MRTFA: variants seen among roughly 807,000 people sequenced by gnomAD.
MRTFA encodes myocardin related transcription factor A, also known as myocardin-related transcription factor A.
Under a neutral mutation model 83.5 loss-of-function variants are expected in MRTFA, and 20 were observed. That is an observed-to-expected ratio of 0.24 (90% confidence interval 0.17 to 0.35). The LOEUF is 0.35. Ranked by LOEUF, MRTFA falls within the 10% of genes least tolerant of loss-of-function variation. The pLI, the probability that MRTFA is intolerant of heterozygous loss-of-function variation, is 1.00. For synonymous variants in MRTFA, 659 were observed against 541.2 expected, an observed-to-expected ratio of 1.22 and a Z score of -3.02; for missense variants, 1,200 against 1,224.7, an observed-to-expected ratio of 0.98 and a Z score of 0.30.
chr22:40,573,273 G>C (rs1421349213), intron 2 of MRTFA, among the ~76,000 whole-genome samples: 1 of 152,016 alleles, frequency 6.6e-6, no homozygotes, highest in African/African-American at 2.4e-5. Flanking sequence ...TTTGCTTTTT[G>C]AGACTGAATC....
intron 3 of MRTFA, among the ~76,000 whole-genome samples, chr22:40,544,427 A>G (rs1208250068): frequency 1.3e-5 from 2 of 152,040 alleles, no homozygotes; most frequent in African/African-American, 4.8e-5. Context: ...GGGTCTTGCT[A>G]TGTTGCCTAG....
intron 2 of MRTFA, among the ~76,000 whole-genome samples, chr22:40,556,429 C>T (rs893742069): frequency 6.6e-6 from 1 of 151,864 alleles, no homozygotes; most frequent in Non-Finnish European, 1.5e-5. Flanking sequence ...ATCCAGATAA[C>T]AGTAATTAAC....
chr22:40,454,899 C>T (rs1261710618), intron 4 of MRTFA, among the ~76,000 whole-genome samples: 1 of 152,204 alleles, frequency 6.6e-6, no homozygotes, highest in Non-Finnish European at 1.5e-5. Context: ...GTTTAAGGCT[C>T]AAGCCATCCT....
chr22:40,501,129 G>C (rs1159363133), intron 3 of MRTFA, among the ~76,000 whole-genome samples: 1 of 9,948 alleles, frequency 1.0e-4, no homozygotes, highest in African/African-American at 5.5e-4. Context: ...TCCCGGACGG[G>C]GAGGCCGGCC....
Position 40,411,096 on chromosome 22 carries a change from G to T in MRTFA, c.*294C>A. 1 of 317,408 alleles carries T rather than the reference G, an allele frequency of 3.2e-6. No homozygotes were observed. Among genetic ancestry groups the T allele is most frequent in the Non-Finnish European group, 5.8e-6 (1 of 173,378 alleles). 19.7% of individuals were successfully genotyped at this position (317,408 alleles called of 1,614,324 possible). ...GCCAAATTGTAGCCAGACAGACAGT[G>T]CCCCCTGACCTCAAAAAAGGAGGTC... On this transcript the variant is annotated 3_prime_UTR_variant, in exon 15 of 15. Coordinates refer to ENST00000355630, the MANE Select transcript of MRTFA (RefSeq NM_020831.6).
At chr22:40,458,560 C>T (rs1234515306) in intron 4 of MRTFA, among the ~76,000 whole-genome samples, 1 of 152,146 alleles carries the variant, frequency 6.6e-6, no homozygotes, top group Non-Finnish European at 1.5e-5. Context: ...GACAGCCAGT[C>T]CTACGTGGTA....
chr22:40,545,684 C>T (rs953222410), intron 3 of MRTFA, among the ~76,000 whole-genome samples: 8 of 151,874 alleles, frequency 5.3e-5, no homozygotes, highest in African/African-American at 9.7e-5. Context: ...CCACCCACCT[C>T]GGCCTCCCAA....
intron 14 of MRTFA, among the ~76,000 whole-genome samples, chr22:40,414,584 G>A (rs2052636326): frequency 6.6e-6 from 1 of 152,164 alleles, no homozygotes; most frequent in Non-Finnish European, 1.5e-5. Flanking sequence ...AACACAGATG[G>A]ACCCTGAGGA....
At chr22:40,485,924 C>A (rs945032850) in intron 3 of MRTFA, among the ~76,000 whole-genome samples, 1 of 152,190 alleles carries the variant, frequency 6.6e-6, no homozygotes, top group African/African-American at 2.4e-5. Context: ...ACATGAAATG[C>A]ATGTTCTTGT....
intron 2 of MRTFA, among the ~76,000 whole-genome samples, chr22:40,566,549 G>A (rs866620107): frequency 2.1e-4 from 32 of 151,938 alleles, no homozygotes; most frequent in African/African-American, 7.7e-4. Context: ...TCATTTTGAG[G>A]GCTGGGCATG....
intron 2 of MRTFA, among the ~76,000 whole-genome samples, chr22:40,576,760 A>G (rs922665227): frequency 6.6e-6 from 1 of 152,188 alleles, no homozygotes; most frequent in Non-Finnish European, 1.5e-5. Flanking sequence ...ATGTATACCT[A>G]AAGTAGTTTG....
intron 1 of MRTFA, among the ~76,000 whole-genome samples, chr22:40,596,911 G>A: frequency 6.6e-6 from 1 of 151,248 alleles, no homozygotes; most frequent in East Asian, 1.9e-4. Flanking sequence ...GGAGGTGGAG[G>A]TTGCAATGAG....
At chr22:40,450,076 A>G (rs1423518437) in intron 4 of MRTFA, among the ~76,000 whole-genome samples, 1 of 152,222 alleles carries the variant, frequency 6.6e-6, no homozygotes, top group African/African-American at 2.4e-5. Context: ...AAGGGTTGAC[A>G]CTAGCATTAG....
chr22:40,446,332 A>G (rs2053377606), intron 4 of MRTFA, among the ~76,000 whole-genome samples: 1 of 152,228 alleles, frequency 6.6e-6, no homozygotes, highest in Non-Finnish European at 1.5e-5. Flanking sequence ...TCACTCTAGT[A>G]ATGTTCAAGA....
At chr22:40,489,970 G>A (rs532465815) in intron 3 of MRTFA, among the ~76,000 whole-genome samples, 17 of 19,776 alleles carry the variant, frequency 8.6e-4, no homozygotes, top group African/African-American at 2.7e-3. Flanking sequence ...TGACTCTGTC[G>A]CAAAAAAAAA....
chr22:40,624,366 C>T (rs984064439), intron 1 of MRTFA, among the ~76,000 whole-genome samples: 1 of 142,286 alleles, frequency 7.0e-6, no homozygotes, highest in African/African-American at 2.7e-5. Flanking sequence ...GCAGAGGTTG[C>T]AGGGAGCCGA....
At chr22:40,427,270 T>C (rs2052974476) in intron 7 of MRTFA, among the ~76,000 whole-genome samples, 1 of 151,812 alleles carries the variant, frequency 6.6e-6, no homozygotes, top group Non-Finnish European at 1.5e-5. Flanking sequence ...CCAGGGAAAA[T>C]CTGTGAATTA....
At chr22:40,592,749 G>A (rs1024970251) in intron 2 of MRTFA, among the ~76,000 whole-genome samples, 2 of 152,016 alleles carry the variant, frequency 1.3e-5, no homozygotes, top group East Asian at 1.9e-4. Context: ...CACCTCAGCC[G>A]CCCAAAGTGC....
intron 3 of MRTFA, among the ~76,000 whole-genome samples, chr22:40,471,083 T>G (rs555190276): frequency 6.7e-6 from 1 of 148,880 alleles, no homozygotes; most frequent in Non-Finnish European, 1.5e-5. Flanking sequence ...CATACAAAAA[T>G]CAGAAATGCA....
Sources: allele counts gnomAD v4.1 joint callset (sites outside exome capture counted in the v4.1 genomes callset), GRCh38; gene constraint gnomAD v4.1.1; transcripts MANE v1.5; gene names NCBI Gene and HGNC (gene_info 2026-07-23, HGNC 2026-07-21).